The following TSHZ2 variants were observed in gnomAD, a reference collection of about 807,000 sequenced individuals.
TSHZ2 encodes teashirt homolog 2.
Under a neutral mutation model 74.4 loss-of-function variants are expected in TSHZ2, and 21 were observed. The observed-to-expected ratio is 0.28, with a 90% CI of 0.20 to 0.41. TSHZ2 has a LOEUF of 0.41. TSHZ2 is among the 10% of genes least tolerant of loss of function. TSHZ2 has a pLI of 1.00. For synonymous variants in TSHZ2, 540 were observed against 515.3 expected, an observed-to-expected ratio of 1.05 and a Z score of -0.65; for missense variants, 1,244 against 1,293.5, an observed-to-expected ratio of 0.96 and a Z score of 0.59.
intron 1 of TSHZ2, chr20:53,196,366 T>TAAAAAAAAAAAAAAAAAAAAAAAAAAAAA (rs34385917): frequency 9.1e-6 from 1 of 109,692 alleles, no homozygotes; most frequent in African/African-American, 3.1e-5. Flanking sequence ...AATCTGCTGC[T>TAAAAAAAAAAAAAAAAAAAAAAAAAAAAA]AAAAAAAAAA....
chr20:53,410,512 C>A (rs1983014361), intron 2 of TSHZ2, among the ~76,000 whole-genome samples: 1 of 151,942 alleles, frequency 6.6e-6, no homozygotes, highest in African/African-American at 2.4e-5. Flanking sequence ...AATCAACTTA[C>A]AAAACACATA....
chr20:53,015,878 G>T (rs1273876854), intron 1 of TSHZ2, among the ~76,000 whole-genome samples: 2 of 152,182 alleles, frequency 1.3e-5, no homozygotes, highest in Admixed American at 6.5e-5. Context: ...GTGTTCAGGG[G>T]GCTGAAAGTA....
intron 2 of TSHZ2, among the ~76,000 whole-genome samples, chr20:53,469,153 T>C (rs946978588): frequency 1.8e-4 from 27 of 148,782 alleles, no homozygotes; most frequent in Admixed American, 1.8e-3. Context: ...TCACTTCAAG[T>C]CTCTAAACCT....
intron 1 of TSHZ2, among the ~76,000 whole-genome samples, chr20:53,131,004 T>C (rs145325391): frequency 2.0e-5 from 3 of 152,376 alleles, no homozygotes; most frequent in African/African-American, 7.2e-5. Flanking sequence ...GGATGATACA[T>C]AAAATGGTGA....
chr20:53,474,568 G>C (rs1985934539), intron 2 of TSHZ2, among the ~76,000 whole-genome samples: 1 of 129,732 alleles, frequency 7.7e-6, no homozygotes, highest in African/African-American at 3.1e-5. Context: ...AAAATGTAAA[G>C]ACCATCCAGA....
At chr20:53,036,113 G>A (rs116893302) in intron 1 of TSHZ2, among the ~76,000 whole-genome samples, 3,175 of 152,228 alleles carry the variant, frequency 0.021, 55 homozygotes, top group Middle Eastern at 0.044. Context: ...GGTTGAATAT[G>A]CTATTGTGTG....
intron 1 of TSHZ2, among the ~76,000 whole-genome samples, chr20:53,201,859 A>T (rs1989016349): frequency 6.6e-6 from 1 of 152,192 alleles, no homozygotes; most frequent in Admixed American, 6.5e-5. Context: ...AAGTTGTGAC[A>T]ATCAAAAATA....
intron 2 of TSHZ2, among the ~76,000 whole-genome samples, chr20:53,431,017 G>T (rs1056904078): frequency 1.3e-5 from 2 of 152,080 alleles, no homozygotes; most frequent in Admixed American, 1.3e-4. Context: ...AAAGTGCTGG[G>T]ATTACAGGCA....
chr20:53,418,569 A>T (rs1983354232), intron 2 of TSHZ2, among the ~76,000 whole-genome samples: 1 of 152,118 alleles, frequency 6.6e-6, no homozygotes, highest in Non-Finnish European at 1.5e-5. Flanking sequence ...TAACCATCAG[A>T]TCTCGTGAGA....
intron 1 of TSHZ2, among the ~76,000 whole-genome samples, chr20:53,107,932 C>T (rs1986425742): frequency 6.6e-6 from 1 of 152,224 alleles, no homozygotes; most frequent in Non-Finnish European, 1.5e-5. Flanking sequence ...TTCTTAAAGG[C>T]AGGTCCTGCA....
At chr20:53,245,303 C>T (rs1990176086) in intron 1 of TSHZ2, among the ~76,000 whole-genome samples, 1 of 152,226 alleles carries the variant, frequency 6.6e-6, no homozygotes, top group African/African-American at 2.4e-5. Context: ...CTGCCTGATC[C>T]TAAGGCTGAG....
intron 1 of TSHZ2, among the ~76,000 whole-genome samples, chr20:53,173,533 G>A (rs1227249856): frequency 6.6e-5 from 10 of 152,110 alleles, no homozygotes; most frequent in Non-Finnish European, 1.3e-4. Flanking sequence ...GCTTGAGCCC[G>A]GGGGGCAGAG....
rs145122400 is a variant in TSHZ2 at position 53,100,535 on chromosome 20, C to G, written c.40+127202C>G. Reference sequence around the variant, plus strand: ...GGCAAGCTCCTGTTTTAGCAGGAAGCCTGCAGTGAAGGTATGCAGAGAGAG... The same window carrying G: ...GGCAAGCTCCTGTTTTAGCAGGAAGGCTGCAGTGAAGGTATGCAGAGAGAG... On this transcript the variant is annotated intron_variant, in intron 1 of 2. Coordinates refer to ENST00000371497, the MANE Select transcript of TSHZ2 (RefSeq NM_173485.6). Among the ~76,000 whole-genome samples, 9 of 152,250 alleles carry G rather than the reference C, an allele frequency of 5.9e-5. No homozygotes were observed. In the East Asian group the frequency reaches 1.7e-3, roughly 29 times the overall value.
intron 2 of TSHZ2, among the ~76,000 whole-genome samples, chr20:53,384,208 C>G (rs983967845): frequency 1.3e-5 from 2 of 152,064 alleles, no homozygotes; most frequent in Admixed American, 1.3e-4. Context: ...GGGGAGCACA[C>G]AGTTGGGAGC....
chr20:53,376,586 T>G (rs1981664641), intron 2 of TSHZ2, among the ~76,000 whole-genome samples: 1 of 152,250 alleles, frequency 6.6e-6, no homozygotes, highest in Admixed American at 6.5e-5. Context: ...GGGTCTCTTA[T>G]GCAGTTGCTT....
At position 53,490,883 on chromosome 20, in the gene TSHZ2, G is replaced by A. The variant is rs899063816; in HGVS notation, c.*3748G>A. ...TTTTCCAGGGTCTATGGACAATGTGGCAGTAAGAGTCTATGATGTTCTGAA... is the reference window on the plus strand; with the variant it reads ...TTTTCCAGGGTCTATGGACAATGTGACAGTAAGAGTCTATGATGTTCTGAA... On this transcript the variant is annotated 3_prime_UTR_variant, in exon 3 of 3. Coordinates refer to ENST00000371497, the MANE Select transcript of TSHZ2 (RefSeq NM_173485.6). 6.6e-6 allele frequency: 1 copy of A among 152,102 alleles called. No homozygotes were observed. The highest frequency in any genetic ancestry group is 2.1e-4 in the South Asian group (1 of 4,830). The allele number at this position is 152,102 out of a possible 1,614,324, so 9.4% of individuals were successfully genotyped here. A position where few individuals can be genotyped will look rare whatever the true frequency, so the allele number is the denominator to read the frequency against.
chr20:53,374,878 A>T (rs1166694484), intron 2 of TSHZ2, among the ~76,000 whole-genome samples: 1 of 150,176 alleles, frequency 6.7e-6, no homozygotes, highest in Non-Finnish European at 1.5e-5. Flanking sequence ...TAGTTTGCAA[A>T]TTTTTTCACC....
intron 1 of TSHZ2, among the ~76,000 whole-genome samples, chr20:53,109,828 C>G (rs1430798412): frequency 1.3e-5 from 2 of 152,148 alleles, no homozygotes; most frequent in Non-Finnish European, 2.9e-5. Context: ...TGCTTTTGCT[C>G]TGTTCTTCCT....
chr20:53,136,632 G>C (rs1292824283), intron 1 of TSHZ2, among the ~76,000 whole-genome samples: 8 of 152,166 alleles, frequency 5.3e-5, no homozygotes, highest in Admixed American at 5.2e-4. Flanking sequence ...CCCAAACACT[G>C]GAACTTCCCA....
Sources: allele counts gnomAD v4.1 joint callset (sites outside exome capture counted in the v4.1 genomes callset), GRCh38; gene constraint gnomAD v4.1.1; transcripts MANE v1.5; gene names NCBI Gene and HGNC (gene_info 2026-07-23, HGNC 2026-07-21).